ADGRL3: variants seen among roughly 807,000 people sequenced by gnomAD.
ADGRL3 encodes adhesion G protein-coupled receptor L3.
Under a neutral mutation model 153.5 loss-of-function variants are expected in ADGRL3, and 62 were observed. That is an observed-to-expected ratio of 0.40 (90% CI 0.33 to 0.50). The LOEUF (loss-of-function observed/expected upper bound fraction) is 0.50. Ranked by LOEUF, ADGRL3 falls within the 20% of genes least tolerant of loss-of-function variation. ADGRL3 has a pLI of 0.47. For missense variants in ADGRL3, 1,641 were observed against 1,859.4 expected, an observed-to-expected ratio of 0.88 and a Z score of 2.16; for synonymous variants, 710 against 672.5, an observed-to-expected ratio of 1.06 and a Z score of -0.86.
intron 5 of ADGRL3, among the ~76,000 whole-genome samples, chr4:61,641,508 T>C (rs1266900147): frequency 6.9e-6 from 1 of 145,276 alleles, no homozygotes; most frequent in East Asian, 2.1e-4. Flanking sequence ...CATTGTTCAA[T>C]TCCCACCTAT....
intron 24 of ADGRL3, among the ~76,000 whole-genome samples, chr4:62,043,519 T>C (rs1220629688): frequency 6.6e-6 from 1 of 152,084 alleles, no homozygotes; most frequent in East Asian, 1.9e-4. Flanking sequence ...ATCACTTGTC[T>C]AATATTCTAA....
At chr4:62,033,463 C>T (rs1472477553) in intron 23 of ADGRL3, among the ~76,000 whole-genome samples, 2 of 151,514 alleles carry the variant, frequency 1.3e-5, no homozygotes, top group African/African-American at 4.8e-5. Context: ...GAACGAGAAT[C>T]AAGATGATAC....
intron 4 of ADGRL3, among the ~76,000 whole-genome samples, chr4:61,565,966 A>C (rs2098814691): frequency 6.6e-6 from 1 of 152,222 alleles, no homozygotes; most frequent in Non-Finnish European, 1.5e-5. Context: ...TTTTCTTGGA[A>C]TATATGATTT....
At chr4:61,836,401 T>A (rs904020084) in intron 9 of ADGRL3, among the ~76,000 whole-genome samples, 2 of 152,138 alleles carry the variant, frequency 1.3e-5, no homozygotes, top group Non-Finnish European at 2.9e-5. Context: ...TGGAAACAAT[T>A]TAAGTGTAGT....
Position 61,402,499 on chromosome 4 carries a change from A to G in ADGRL3, c.-174+19310A>G, listed in dbSNP as rs189609492. ...GAGAGCTAGATGAAGATTTGGACAGATCAACTTAAAAATGTTAATAAAGTG... is the reference window on the plus strand; with the variant it reads ...GAGAGCTAGATGAAGATTTGGACAGGTCAACTTAAAAATGTTAATAAAGTG... On this transcript the variant is annotated intron_variant, in intron 2 of 26. Coordinates refer to ENST00000683033, the MANE Select transcript of ADGRL3 (RefSeq NM_001387552.1). 3.3e-3 allele frequency among the ~76,000 whole-genome samples: 500 copies of G among 152,216 alleles called. 5 individuals carry two copies. The highest frequency in any genetic ancestry group is 0.011 in the African/African-American group (449 of 41,534).
At chr4:61,705,214 A>G (rs2095836803) in intron 6 of ADGRL3, among the ~76,000 whole-genome samples, 1 of 152,108 alleles carries the variant, frequency 6.6e-6, no homozygotes, top group African/African-American at 2.4e-5. Context: ...TTTCTTAGAT[A>G]ATAAGACTTG....
chr4:61,477,086 A>C (rs1475157961), intron 2 of ADGRL3, among the ~76,000 whole-genome samples: 17 of 152,170 alleles, frequency 1.1e-4, no homozygotes, highest in Admixed American at 1.1e-3. Flanking sequence ...TACGTAATTT[A>C]AAAAAAGATT....
chr4:61,757,330 T>C (rs1281459014), intron 8 of ADGRL3, among the ~76,000 whole-genome samples: 4 of 152,194 alleles, frequency 2.6e-5, no homozygotes, highest in South Asian at 2.1e-4. Context: ...GATTCAACTT[T>C]TTCCTGGTTT....
intron 9 of ADGRL3, among the ~76,000 whole-genome samples, chr4:61,851,589 CAAAAAAAAAAA>C (rs759990537): frequency 9.1e-5 from 5 of 55,226 alleles, no homozygotes; most frequent in Admixed American, 2.1e-4. Context: ...GACCATGTCT[CAAAAAAAAAAA>C]AAAAAAAAAA....
At chr4:61,860,525 G>C (rs2098329800) in intron 9 of ADGRL3, among the ~76,000 whole-genome samples, 1 of 151,950 alleles carries the variant, frequency 6.6e-6, no homozygotes, top group Admixed American at 6.6e-5. Flanking sequence ...GTGTGGAGTA[G>C]AAGACTTTTA....
intron 2 of ADGRL3, among the ~76,000 whole-genome samples, chr4:61,406,750 A>T (rs1420312243): frequency 6.6e-6 from 1 of 152,020 alleles, no homozygotes; most frequent in Admixed American, 6.6e-5. Flanking sequence ...ATGTGTTTGT[A>T]CAAGAAAAAT....
At chr4:61,996,399 G>A in intron 20 of ADGRL3, 42 bp downstream of exon 20, 2 of 1,423,200 alleles carry the variant, frequency 1.4e-6, no homozygotes, top group Non-Finnish European at 2.0e-6. Context: ...AGATCAAGAA[G>A]TAAAACTTTC....
intron 9 of ADGRL3, among the ~76,000 whole-genome samples, chr4:61,863,395 G>A (rs2098367610): frequency 6.6e-6 from 1 of 151,192 alleles, no homozygotes; most frequent in African/African-American, 2.4e-5. Context: ...CCGCCACTAC[G>A]CCCGGCTAAT....
intron 8 of ADGRL3, among the ~76,000 whole-genome samples, chr4:61,782,525 GA>G (rs1284080311): frequency 6.6e-6 from 1 of 152,074 alleles, no homozygotes; most frequent in African/African-American, 2.4e-5. Context: ...GACAAATGGG[GA>G]AAATGGTCAA....
At chr4:61,891,486 G>T (rs2098585393) in intron 9 of ADGRL3, among the ~76,000 whole-genome samples, 1 of 152,166 alleles carries the variant, frequency 6.6e-6, no homozygotes, top group Non-Finnish European at 1.5e-5. Flanking sequence ...CAATTTCAGT[G>T]ATGAAATATT....
chr4:61,526,579 A>G (rs1180855260), intron 4 of ADGRL3, among the ~76,000 whole-genome samples: 1 of 151,922 alleles, frequency 6.6e-6, no homozygotes, highest in African/African-American at 2.4e-5. Context: ...GAAGTTTGAA[A>G]CCAGCCTAGG....
At chr4:62,005,892 G>A (rs1238603107) in intron 21 of ADGRL3, among the ~76,000 whole-genome samples, 1 of 147,382 alleles carries the variant, frequency 6.8e-6, no homozygotes, top group Non-Finnish European at 1.5e-5. Context: ...TATGAAAATT[G>A]TGGATATGTT....
intron 4 of ADGRL3, among the ~76,000 whole-genome samples, chr4:61,573,073 G>A (rs1212164778): frequency 6.6e-6 from 1 of 151,940 alleles, no homozygotes; most frequent in African/African-American, 2.4e-5. Flanking sequence ...CAGAAAGCTA[G>A]GGATGTAAAA....
At position 61,497,358 on chromosome 4, in the gene ADGRL3, T is replaced by C. The variant is rs765259443; in HGVS notation, c.55+10T>C. On this transcript the variant is annotated intron_variant, in intron 3 of 26. Coordinates refer to ENST00000683033, the MANE Select transcript of ADGRL3 (RefSeq NM_001387552.1). ...GCTCCAATAATTCATGGTAAGATTT[T>C]TCAGATTTTTGTGTAATGCTTAATG... The C allele has an allele frequency of 1.2e-5, 19 of 1,593,638 alleles. No homozygotes were observed. The highest frequency in any genetic ancestry group is 1.5e-5 in the Non-Finnish European group (17 of 1,169,364).
Sources: gnomAD v4.1 joint callset for allele counts (sites outside exome capture counted in the v4.1 genomes callset) on GRCh38, gnomAD v4.1.1 for gene constraint, MANE v1.5 for transcripts, NCBI Gene and HGNC (gene_info 2026-07-23, HGNC 2026-07-21) for gene names.